NEMP2: variants seen among roughly 807,000 people sequenced by gnomAD.
NEMP2 encodes UPF0571 transmembrane protein.
NEMP2 carries 53 observed loss-of-function variants against 54.2 expected under a neutral mutation model. The observed-to-expected ratio is 0.98, with a 90% CI of 0.78 to 1.23. The LOEUF (loss-of-function observed/expected upper bound fraction) is 1.23, where lower values mean the gene tolerates loss of function less well. Ranked by LOEUF, NEMP2 falls within the 50% of genes most tolerant of loss-of-function variation. The pLI is 0.00. For missense variants in NEMP2, 455 were observed against 511.3 expected (o/e 0.89, Z 1.06); for synonymous variants, 197 against 190.3 (o/e 1.04, Z -0.29).
chr2:190,436,862 T>C, the NEMP2 span: 6 of 1,614,226 alleles, frequency 3.7e-6, no homozygotes, highest in Non-Finnish European at 4.2e-6. This position sits in a 1 kb window ranked among gnomAD's most constrained non-coding sequence, Gnocchi z 5.3. Flanking sequence ...GTCATGCTTG[T>C]TTATGATCAA....
the NEMP2 span, chr2:190,608,709 A>G: frequency 6.6e-6 from 1 of 152,192 alleles, no homozygotes; most frequent in African/African-American, 2.4e-5. The surrounding 1 kb of genome is among the most constrained non-coding windows in gnomAD (Gnocchi z 4.9). Flanking sequence ...TATATAAATT[A>G]CTAGAGAGGC....
At chr2:190,617,198 T>C in the NEMP2 span, 7 of 152,182 alleles carry the variant, frequency 4.6e-5, no homozygotes, top group African/African-American at 1.2e-4. This position sits in a 1 kb window ranked among gnomAD's most constrained non-coding sequence, Gnocchi z 5.0. Flanking sequence ...ATTGAATTTA[T>C]GAAAATTTCT....
rs543752281 is a variant in NEMP2 at position 190,525,673 on chromosome 2, C to G, written c.98-295G>C. Among the ~76,000 whole-genome samples, 3 of 151,406 alleles carry G rather than the reference C, an allele frequency of 2.0e-5. No homozygotes were observed. Among genetic ancestry groups the G allele is most frequent in the Non-Finnish European group, 4.4e-5 (3 of 67,888 alleles). On this transcript the variant is annotated intron_variant, in intron 1 of 8. Coordinates refer to ENST00000409150, the MANE Select transcript of NEMP2 (RefSeq NM_001142645.2). This position sits in a 1 kb window ranked among gnomAD's most constrained non-coding sequence, Gnocchi z 5.0. The stretch of plus-strand genomic sequence containing the variant: ...ATTATGGGCACCTTCTCAGAAAAGA[C>G]AAAAATATGAGTAAAGGGCTGAAGG...
the NEMP2 span, among the ~76,000 whole-genome samples, chr2:190,559,064 A>G: frequency 6.6e-6 from 1 of 152,194 alleles, no homozygotes; most frequent in African/African-American, 2.4e-5. The surrounding 1 kb of genome is among the most constrained non-coding windows in gnomAD (Gnocchi z 4.0). Context: ...AGGATGGTAG[A>G]AGGGAAATAG....
the NEMP2 span, among the ~76,000 whole-genome samples, chr2:190,444,310 G>A: frequency 6.6e-6 from 1 of 152,172 alleles, no homozygotes; most frequent in Non-Finnish European, 1.5e-5. Flanking sequence ...GAGTATTCTT[G>A]GTCATGGCCC....
chr2:190,470,793 A>G, the NEMP2 span, among the ~76,000 whole-genome samples: 1 of 152,210 alleles, frequency 6.6e-6, no homozygotes, highest in South Asian at 2.1e-4. Flanking sequence ...TCTAAACAGA[A>G]TGTACAAAAT....
At chr2:190,558,799 A>G in the NEMP2 span, among the ~76,000 whole-genome samples, 4 of 152,366 alleles carry the variant, frequency 2.6e-5, no homozygotes, top group South Asian at 8.3e-4. The surrounding 1 kb of genome is among the most constrained non-coding windows in gnomAD (Gnocchi z 4.4). Context: ...TGTGTTTTAG[A>G]TGAATGGCTT....
At chr2:190,552,383 TA>T in the NEMP2 span, among the ~76,000 whole-genome samples, 1 of 152,202 alleles carries the variant, frequency 6.6e-6, no homozygotes, top group African/African-American at 2.4e-5. Context: ...ATTTGGATTT[TA>T]AAATATACTG....
the NEMP2 span, among the ~76,000 whole-genome samples, chr2:190,615,783 A>G: frequency 1.3e-5 from 2 of 152,174 alleles, no homozygotes; most frequent in Non-Finnish European, 2.9e-5. This position sits in a 1 kb window ranked among gnomAD's most constrained non-coding sequence, Gnocchi z 4.7. Context: ...CACTTAGGAG[A>G]GTCCAAGCAT....
chr2:190,422,651 G>A, the NEMP2 span, among the ~76,000 whole-genome samples: 89 of 152,254 alleles, frequency 5.8e-4, no homozygotes, highest in African/African-American at 2.1e-3. Context: ...TTGTCCCAGT[G>A]TTCTGAAACG....
At chr2:190,476,052 G>A in the NEMP2 span, among the ~76,000 whole-genome samples, 5 of 151,780 alleles carry the variant, frequency 3.3e-5, no homozygotes, top group East Asian at 3.9e-4. Flanking sequence ...ACCTTATACA[G>A]AAATTAATTC....
chr2:190,428,689 A>C, the NEMP2 span, among the ~76,000 whole-genome samples: 4 of 151,872 alleles, frequency 2.6e-5, no homozygotes, highest in African/African-American at 9.7e-5. Flanking sequence ...TTATTTATTT[A>C]TTGAGACAGA....
At chr2:190,574,742 CCTTT>C in the NEMP2 span, among the ~76,000 whole-genome samples, 2 of 149,632 alleles carry the variant, frequency 1.3e-5, no homozygotes, top group South Asian at 2.1e-4. Context: ...TCTTTCTCTT[CCTTT>C]CTTTTCTATT....
the NEMP2 span, among the ~76,000 whole-genome samples, chr2:190,580,640 A>G: frequency 2.8e-4 from 43 of 152,336 alleles, no homozygotes; most frequent in African/African-American, 1.0e-3. This position sits in a 1 kb window ranked among gnomAD's most constrained non-coding sequence, Gnocchi z 5.3. Context: ...TTAAGACTCC[A>G]AATTTTCAAG....
Position 190,510,992 on chromosome 2 carries a change from C to G in NEMP2, c.954-455G>C, listed in dbSNP as rs1690344982. On this transcript the variant is annotated intron_variant, in intron 7 of 8. Coordinates refer to ENST00000409150, the MANE Select transcript of NEMP2 (RefSeq NM_001142645.2). The surrounding 1 kb of genome is among the most constrained non-coding windows in gnomAD (Gnocchi z 5.7). Reference sequence around the variant, plus strand: ...TACTTTTTTATTGCTGTTATCATGACTGAGGTATAGAGAACATGTAGTTTG... The same window carrying G: ...TACTTTTTTATTGCTGTTATCATGAGTGAGGTATAGAGAACATGTAGTTTG... Among the ~76,000 whole-genome samples, 1 of 151,950 alleles carries G rather than the reference C, an allele frequency of 6.6e-6. No homozygotes were observed. Among genetic ancestry groups the G allele is most frequent in the Non-Finnish European group, 1.5e-5 (1 of 68,010 alleles).
At position 190,531,309 on chromosome 2, in the gene NEMP2, T is replaced by C. The variant is rs529974383; in HGVS notation, c.97+3250A>G. On this transcript the variant is annotated intron_variant, in intron 1 of 8. Transcript: ENST00000409150. This position sits in a 1 kb window ranked among gnomAD's most constrained non-coding sequence, Gnocchi z 4.7. ...AGATCGGGAGAAAGATCTGGAAGTG[T>C]AGGCTATCCCAGGTTTGCCTCAACC... Among the ~76,000 whole-genome samples, 16 of 152,284 alleles carry C rather than the reference T, an allele frequency of 1.1e-4. No homozygotes were observed. In the South Asian group the frequency reaches 1.2e-3, roughly 12 times the overall value.
At chr2:190,589,877 G>A in the NEMP2 span, among the ~76,000 whole-genome samples, 1 of 152,138 alleles carries the variant, frequency 6.6e-6, no homozygotes, top group Non-Finnish European at 1.5e-5. The surrounding 1 kb of genome is among the most constrained non-coding windows in gnomAD (Gnocchi z 4.3). Context: ...CCCCTATTTA[G>A]GGCTGCAAAC....
chr2:190,437,344 A>G, the NEMP2 span: 6 of 1,614,258 alleles, frequency 3.7e-6, no homozygotes, highest in South Asian at 6.6e-5. This position sits in a 1 kb window ranked among gnomAD's most constrained non-coding sequence, Gnocchi z 5.9. Flanking sequence ...TTGGGACTTA[A>G]TCAAGCTGCT....
chr2:190,640,283 C>T, the NEMP2 span, among the ~76,000 whole-genome samples: 3,014 of 152,166 alleles, frequency 0.02, 37 homozygotes, highest in Non-Finnish European at 0.032. Flanking sequence ...TGGCTGAAAT[C>T]ATATGGACAT....
Sources: gnomAD v4.1 joint callset for allele counts (sites outside exome capture counted in the v4.1 genomes callset) on GRCh38, gnomAD v4.1.1 for gene constraint, Gnocchi (gnomAD v3.1) non-coding constraint, MANE v1.5 for transcripts, NCBI Gene and HGNC (gene_info 2026-07-23, HGNC 2026-07-21) for gene names.